DCHS2: variants seen among roughly 807,000 people sequenced by gnomAD.
DCHS2 encodes protocadherin-23.
Under a neutral mutation model 182.4 loss-of-function variants are expected in DCHS2, and 142 were observed. The ratio of observed to expected loss-of-function variants is 0.78; its 90% CI spans 0.68 to 0.89. The LOEUF (loss-of-function observed/expected upper bound fraction) is 0.89. DCHS2 is among the 40% of genes least tolerant of loss of function. DCHS2 has a pLI of 0.00. For missense variants in DCHS2, 4,319 were observed against 4,198.6 expected, an observed-to-expected ratio of 1.03 and a Z score of -0.79; for synonymous variants, 1,740 against 1,663.3, an observed-to-expected ratio of 1.05 and a Z score of -1.12.
At chr4:154,290,147 C>A (rs1734586615) in intron 13 of DCHS2, among the ~76,000 whole-genome samples, 1 of 151,966 alleles carries the variant, frequency 6.6e-6, no homozygotes, top group Non-Finnish European at 1.5e-5. Flanking sequence ...GCCATGCCAG[C>A]AGCAAACAAT....
At chr4:154,401,537 A>G (rs1011158899) in intron 1 of DCHS2, among the ~76,000 whole-genome samples, 3 of 152,234 alleles carry the variant, frequency 2.0e-5, no homozygotes, top group Admixed American at 1.3e-4. Flanking sequence ...TTCTTCCAAT[A>G]TGTAGCAGGC....
chr4:154,300,616 G>C (rs574221671), intron 12 of DCHS2, among the ~76,000 whole-genome samples: 2 of 152,060 alleles, frequency 1.3e-5, no homozygotes, highest in East Asian at 3.9e-4. Flanking sequence ...GAGCCTGACA[G>C]GGGGTACAGG....
intron 1 of DCHS2, among the ~76,000 whole-genome samples, chr4:154,420,246 C>CAGATAGATAGAT (rs35709774): frequency 0.015 from 2,158 of 144,800 alleles, 20 homozygotes; most frequent in East Asian, 0.043. Flanking sequence ...GACAGACAGA[C>CAGATAGATAGAT]AGATAGATAG....
At chr4:154,333,772 TAACA>T in intron 4 of DCHS2, 1 of 416,414 alleles carries the variant, frequency 2.4e-6, no homozygotes, top group Non-Finnish European at 4.3e-6. Context: ...CAATCGACTG[TAACA>T]TTTAGCCTAG....
In DCHS2 at chr4:154,303,298, T is replaced by G. The variant is rs1294252194; in HGVS notation, c.5605+1371A>C. ...TACCTGGACACCTTTCATATATTTTTAAGGTTTTTTTATTCTATCAAATAC... is the reference window on the plus strand; with the variant it reads ...TACCTGGACACCTTTCATATATTTTGAAGGTTTTTTTATTCTATCAAATAC... On this transcript the variant is annotated intron_variant, in intron 12 of 19. Transcript: ENST00000357232. Among the ~76,000 whole-genome samples the G allele has an allele frequency of 2.0e-5, 3 of 152,204 alleles. No individual in the cohort carries two copies. In the East Asian group the frequency reaches 5.8e-4, roughly 29 times the overall value.
At chr4:154,488,623 C>T (rs1325140557) in intron 1 of DCHS2, among the ~76,000 whole-genome samples, 2 of 152,012 alleles carry the variant, frequency 1.3e-5, no homozygotes, top group African/African-American at 4.8e-5. Context: ...TGAGACATTG[C>T]TGGGCGTGGT....
intron 1 of DCHS2, among the ~76,000 whole-genome samples, chr4:154,403,299 T>C (rs1732266700): frequency 6.6e-6 from 1 of 152,208 alleles, no homozygotes; most frequent in African/African-American, 2.4e-5. Flanking sequence ...CTATAAATTT[T>C]GGGTAGATGC....
chr4:154,407,321 A>G (rs899590508), intron 1 of DCHS2, among the ~76,000 whole-genome samples: 2 of 152,214 alleles, frequency 1.3e-5, no homozygotes, highest in African/African-American at 4.8e-5. Context: ...TTAATTTGCT[A>G]TTGAAAGGTT....
At chr4:154,384,394 T>C in intron 1 of DCHS2, 1 of 1,613,558 alleles carries the variant, frequency 6.2e-7, no homozygotes, top group Non-Finnish European at 8.5e-7. Context: ...GGTTTTGCGT[T>C]CTCTTCCTGG....
At chr4:154,301,225 T>A (rs556067360) in intron 12 of DCHS2, among the ~76,000 whole-genome samples, 1 of 152,348 alleles carries the variant, frequency 6.6e-6, no homozygotes, top group Admixed American at 6.5e-5. Context: ...CCTGGGAAGA[T>A]ATCCTTATGC....
At chr4:154,421,475 A>G (rs990741426) in intron 1 of DCHS2, among the ~76,000 whole-genome samples, 4 of 152,020 alleles carry the variant, frequency 2.6e-5, no homozygotes, top group African/African-American at 7.2e-5. Flanking sequence ...GCTCACTGCA[A>G]CCTCTGCCTC....
chr4:154,350,124 C>T (rs761259101), intron 3 of DCHS2, among the ~76,000 whole-genome samples: 4 of 152,228 alleles, frequency 2.6e-5, no homozygotes, highest in Non-Finnish European at 5.9e-5. Context: ...CTCTACCTTA[C>T]AGATCTCTGA....
rs946939048 is a variant in DCHS2, at chr4:154,234,029, A to G, written c.*507T>C. On this transcript the variant is annotated 3_prime_UTR_variant, in exon 20 of 20. Transcript: ENST00000357232. Reference sequence around the variant, plus strand: ...GGGAAAAATGGAGAAATACTCCTCTAAATATATCAGATCCACCAACTATTG... The same window carrying G: ...GGGAAAAATGGAGAAATACTCCTCTGAATATATCAGATCCACCAACTATTG... The G allele has an allele frequency of 1.3e-5, 2 of 152,332 alleles. No individual in the cohort carries two copies. Among genetic ancestry groups the G allele is most frequent in the African/African-American group, 4.8e-5 (2 of 41,446 alleles). 9.4% of individuals were successfully genotyped at this position (152,332 alleles called of 1,614,324 possible). A position where few individuals can be genotyped will look rare whatever the true frequency, so the allele number is the denominator to read the frequency against.
At chr4:154,243,839 C>G (rs935834006) in intron 16 of DCHS2, among the ~76,000 whole-genome samples, 2 of 152,134 alleles carry the variant, frequency 1.3e-5, no homozygotes, top group African/African-American at 4.8e-5. Flanking sequence ...CTGTGAGTCT[C>G]CTCTTGTTCC....
At chr4:154,409,228 C>T (rs1027291120) in intron 1 of DCHS2, among the ~76,000 whole-genome samples, 4 of 152,120 alleles carry the variant, frequency 2.6e-5, no homozygotes, top group African/African-American at 9.7e-5. Flanking sequence ...TTGCCCCTGC[C>T]TCCCAGGGCC....
chr4:154,331,395 T>C (rs994055220), intron 5 of DCHS2, among the ~76,000 whole-genome samples: 1 of 152,064 alleles, frequency 6.6e-6, no homozygotes, highest in African/African-American at 2.4e-5. Context: ...ACAAGTGAAA[T>C]AGAAGACCTT....
chr4:154,319,548 A>G (rs1735976339), intron 9 of DCHS2, among the ~76,000 whole-genome samples: 1 of 151,938 alleles, frequency 6.6e-6, no homozygotes, highest in South Asian at 2.1e-4. Context: ...AAAGACATAC[A>G]AATGGCTAAC....
intron 12 of DCHS2, among the ~76,000 whole-genome samples, chr4:154,303,571 G>A (rs1735308058): frequency 6.6e-6 from 1 of 151,804 alleles, no homozygotes. Flanking sequence ...GAAAGGGGGT[G>A]AGGCTGATGT....
At position 154,235,328 on chromosome 4, in the gene DCHS2, C is replaced by A; in HGVS notation, c.9324G>T (p.Gln3108His). 1 of 1,614,064 alleles carries A rather than the reference C, an allele frequency of 6.2e-7. No individual in the cohort carries two copies. Among genetic ancestry groups the A allele is most frequent in the Non-Finnish European group, 8.5e-7 (1 of 1,179,964 alleles). ...TTCTGTAGGGATGCTCATTTATCCT[C>A]TGGATTTCCTTATCTTCTGCAGTTT... is the stretch of plus-strand genomic sequence containing the variant. Reference protein sequence around the residue: ...EGETAEDKEIQRINEHPYRKC... With the variant: ...EGETAEDKEIHRINEHPYRKC... Residue 3108 changes from glutamine (Q) to histidine (H), a missense_variant, in exon 20 of 20, where the codon CAG becomes CAT. Transcript: ENST00000357232.
Sources: gnomAD v4.1 joint callset for allele counts (sites outside exome capture counted in the v4.1 genomes callset) on GRCh38, gnomAD v4.1.1 for gene constraint, MANE v1.5 for transcripts, NCBI Gene and HGNC (gene_info 2026-07-23, HGNC 2026-07-21) for gene names.